MACROD2: variants seen among roughly 807,000 people sequenced by gnomAD.
The protein encoded by MACROD2 is ADP-ribose glycohydrolase MACROD2.
A neutral mutation model predicts 70.4 loss-of-function variants in MACROD2; 36 were observed. The ratio of observed to expected loss-of-function variants is 0.51; its 90% CI spans 0.39 to 0.68. The LOEUF is 0.68. Ranked by LOEUF, MACROD2 falls within the 30% of genes least tolerant of loss-of-function variation. The probability of loss-of-function intolerance (pLI) is 0.00; values close to 1 mark genes in which losing one functional copy is unlikely to be tolerated. For missense variants in MACROD2, 496 were observed against 538.4 expected, an observed-to-expected ratio of 0.92 and a Z score of 0.78; for synonymous variants, 172 against 178.8, an observed-to-expected ratio of 0.96 and a Z score of 0.30.
intron 15 of MACROD2, among the ~76,000 whole-genome samples, chr20:16,005,979 AGTG>A: frequency 5.3e-5 from 8 of 152,204 alleles, no homozygotes; most frequent in African/African-American, 1.9e-4. Context: ...ATCTCAGCCA[AGTG>A]TAATTAGCTT....
intron 3 of MACROD2, among the ~76,000 whole-genome samples, chr20:14,376,248 T>A (rs2083369311): frequency 6.6e-6 from 1 of 152,224 alleles, no homozygotes; most frequent in African/African-American, 2.4e-5. Flanking sequence ...CTACTTCCTA[T>A]GCCTTTTTAT....
intron 3 of MACROD2, among the ~76,000 whole-genome samples, chr20:14,349,207 T>C (rs2083095506): frequency 6.6e-6 from 1 of 151,736 alleles, no homozygotes; most frequent in Non-Finnish European, 1.5e-5. Flanking sequence ...TTTTTTTTTT[T>C]TTACAAATTA....
intron 5 of MACROD2, among the ~76,000 whole-genome samples, chr20:14,801,738 C>A (rs940220390): frequency 2.0e-5 from 3 of 152,014 alleles, no homozygotes; most frequent in African/African-American, 7.3e-5. Context: ...GGTGACTGAA[C>A]TTGATGATCT....
chr20:14,099,961 A>G (rs1308002601), intron 3 of MACROD2, among the ~76,000 whole-genome samples: 1 of 152,136 alleles, frequency 6.6e-6, no homozygotes, highest in Non-Finnish European at 1.5e-5. Flanking sequence ...TTGTAAGTGA[A>G]GAAATAAAAA....
intron 5 of MACROD2, among the ~76,000 whole-genome samples, chr20:14,843,392 T>G (rs1195229521): frequency 2.6e-5 from 4 of 151,950 alleles, no homozygotes; most frequent in Non-Finnish European, 5.9e-5. Flanking sequence ...AATTGATGAA[T>G]AAAAATACAT....
chr20:15,380,692 A>G (rs1015428815), intron 6 of MACROD2, among the ~76,000 whole-genome samples: 1 of 152,210 alleles, frequency 6.6e-6, no homozygotes, highest in East Asian at 1.9e-4. Context: ...GAAATTAGCC[A>G]TGATGGAACT....
chr20:14,504,958 TGTTGCATAAATATATTA>T (rs1286712839), intron 4 of MACROD2, among the ~76,000 whole-genome samples: 2 of 152,206 alleles, frequency 1.3e-5, no homozygotes, highest in Non-Finnish European at 2.9e-5. Flanking sequence ...TGTTTAAAAA[TGTTGCATAAATATATTA>T]TGGGCATTCT....
intron 4 of MACROD2, among the ~76,000 whole-genome samples, chr20:14,640,788 TA>T (rs1985048179): frequency 6.6e-6 from 1 of 152,218 alleles, no homozygotes; most frequent in South Asian, 2.1e-4. Flanking sequence ...TACCTTAATT[TA>T]AAAATATTAC....
chr20:15,350,033 TA>T (rs1385696656), intron 6 of MACROD2, among the ~76,000 whole-genome samples: 22 of 152,160 alleles, frequency 1.4e-4, no homozygotes, highest in African/African-American at 5.3e-4. Context: ...GAAGTGAGTC[TA>T]AACGTGTAAG....
At chr20:14,780,087 GTGATGGCGAGTGCCTATAGTCCCAGCA>G in intron 5 of MACROD2, among the ~76,000 whole-genome samples, 1 of 152,092 alleles carries the variant, frequency 6.6e-6, no homozygotes, top group African/African-American at 2.4e-5. Flanking sequence ...CAAACCAGGA[GTGATGGCGAGTGCCTATAGTCCCAGCA>G]ACTCAAAAGG....
chr20:16,034,866 C>T (rs919411813), intron 15 of MACROD2, among the ~76,000 whole-genome samples: 11 of 151,094 alleles, frequency 7.3e-5, no homozygotes, highest in South Asian at 4.2e-4. Context: ...TATGCCTTTG[C>T]GTCCTCATAG....
At chr20:14,316,701 C>T (rs758796900) in intron 3 of MACROD2, among the ~76,000 whole-genome samples, 1 of 152,164 alleles carries the variant, frequency 6.6e-6, no homozygotes, top group Non-Finnish European at 1.5e-5. Context: ...AAGTTAAGAG[C>T]CCAAGCTTCA....
At chr20:14,703,480 G>C (rs1340926586) in intron 5 of MACROD2, among the ~76,000 whole-genome samples, 1 of 152,142 alleles carries the variant, frequency 6.6e-6, no homozygotes, top group East Asian at 1.9e-4. Context: ...TTAATAAAGA[G>C]AACTCTAGGC....
rs190235378 is a variant in MACROD2 at position 14,535,655 on chromosome 20, G to T, written c.301+42147G>T. On this transcript the variant is annotated intron_variant, in intron 4 of 17. Coordinates refer to ENST00000684519, the MANE Select transcript of MACROD2 (RefSeq NM_001351661.2). ...AGTATATAGTGAAGAAGAAGAAACA[G>T]GGCAGAATTAATTATGCATTAAGGC... Among the ~76,000 whole-genome samples the T allele has an allele frequency of 7.6e-3, 1,150 of 152,202 alleles. 37 individuals carry two copies. The highest frequency in any genetic ancestry group is 0.063 in the Admixed American group (957 of 15,274).
At chr20:14,021,195 TAGCC>T (rs1217956251) in intron 2 of MACROD2, among the ~76,000 whole-genome samples, 1 of 152,162 alleles carries the variant, frequency 6.6e-6, no homozygotes, top group African/African-American at 2.4e-5. Flanking sequence ...TTCACCGTGT[TAGCC>T]AGGATGCTCT....
intron 4 of MACROD2, among the ~76,000 whole-genome samples, chr20:14,563,286 A>G (rs1251212525): frequency 1.3e-5 from 2 of 151,976 alleles, no homozygotes; most frequent in African/African-American, 4.8e-5. Flanking sequence ...AAAGAAAAAA[A>G]GACACAAGAG....
intron 5 of MACROD2, among the ~76,000 whole-genome samples, chr20:15,088,866 G>C (rs2075772816): frequency 6.6e-6 from 1 of 152,042 alleles, no homozygotes; most frequent in East Asian, 1.9e-4. Flanking sequence ...ATTAGGAAAA[G>C]AGGGTAAAAG....
intron 4 of MACROD2, among the ~76,000 whole-genome samples, chr20:14,544,890 C>T (rs1377663056): frequency 6.6e-6 from 1 of 152,122 alleles, no homozygotes. Context: ...TTACAGCCTT[C>T]CACTTGCATA....
chr20:14,272,962 C>T (rs1414091301), intron 3 of MACROD2, among the ~76,000 whole-genome samples: 2 of 151,682 alleles, frequency 1.3e-5, no homozygotes, highest in Non-Finnish European at 1.5e-5. Flanking sequence ...AATATATATG[C>T]ACCCAATACA....
Sources: allele counts gnomAD v4.1 joint callset (sites outside exome capture counted in the v4.1 genomes callset), GRCh38; gene constraint gnomAD v4.1.1; transcripts MANE v1.5; gene names NCBI Gene and HGNC (gene_info 2026-07-23, HGNC 2026-07-21).